The following TDRKH variants were observed in gnomAD, a reference collection of about 807,000 sequenced individuals.
TDRKH encodes the protein tudor and KH domain-containing protein.
TDRKH carries 28 observed loss-of-function variants against 61.3 expected under a neutral mutation model. The ratio of observed to expected loss-of-function variants is 0.46; its 90% CI spans 0.34 to 0.63. The LOEUF (loss-of-function observed/expected upper bound fraction) is 0.63, where lower values mean the gene tolerates loss of function less well. Among genes scored for constraint, TDRKH ranks in the 20% least tolerant of loss-of-function variants. TDRKH has a pLI of 0.01. For synonymous variants in TDRKH, 219 were observed against 244.4 expected, an observed-to-expected ratio of 0.90 and a Z score of 0.97; for missense variants, 540 against 683.4, an observed-to-expected ratio of 0.79 and a Z score of 2.34.
downstream of TDRKH, chr1:151,768,181 C>T (rs367796164): frequency 9.2e-5 from 148 of 1,613,822 alleles, 3 homozygotes; most frequent in Middle Eastern, 7.1e-3. Context: ...CTGTGACCGT[C>T]GACTCTTCCT....
Position 151,781,324 on chromosome 1 carries a change from A to ATATATATATAT in TDRKH, c.231+156_231+157insATATATATATA, listed in dbSNP as rs1558145922. On this transcript the variant is annotated intron_variant, in intron 3 of 12. Coordinates refer to ENST00000368824, the MANE Select transcript of TDRKH (RefSeq NM_001083965.2). The stretch of plus-strand genomic sequence containing the variant: ...AAGAGCGAAACTCCATCTCAAAAAA[A>ATATATATATAT]AAAAATATATATATATATATTTTAT... Among the ~76,000 whole-genome samples the ATATATATATAT allele has an allele frequency of 3.7e-4, 7 of 18,828 alleles. No individual in the cohort carries two copies. In the East Asian group the frequency reaches 0.014, roughly 37 times the overall value. 12.4% of individuals were successfully genotyped at this position (18,828 alleles called of 152,430 possible).
At chr1:151,775,574 T>C in intron 9 of TDRKH, 31 bp from the exon 10 acceptor site, 1 of 1,605,722 alleles carries the variant, frequency 6.2e-7, no homozygotes, top group Non-Finnish European at 8.5e-7. Flanking sequence ...TTACTGCTGA[T>C]AGGGGTGGGG....
chr1:151,774,169 C>G lies in TDRKH; in HGVS notation c.*283G>C, dbSNP rs952095013. Reference sequence around the variant, plus strand: ...GACTATATGTGTAATAAAGGAAGGACTGCATGGATCCTTTATCATACACTC... The same window carrying G: ...GACTATATGTGTAATAAAGGAAGGAGTGCATGGATCCTTTATCATACACTC... On this transcript the variant is annotated 3_prime_UTR_variant, in exon 13 of 13. Coordinates refer to ENST00000368824, the MANE Select transcript of TDRKH (RefSeq NM_001083965.2). The G allele has an allele frequency of 3.4e-5, 14 of 417,650 alleles. No individual in the cohort carries two copies. Among genetic ancestry groups the G allele is most frequent in the Admixed American group, 2.1e-4 (5 of 24,180 alleles). The allele number at this position is 417,650 out of a possible 1,614,324, so 25.9% of individuals were successfully genotyped here. A position where few individuals can be genotyped will look rare whatever the true frequency, so the allele number is the denominator to read the frequency against.
chr1:151,771,283 T>C, downstream of TDRKH: 1 of 1,584,558 alleles, frequency 6.3e-7, no homozygotes, highest in Non-Finnish European at 8.6e-7. Context: ...GGGCCCGGGA[T>C]GTGATTCAGG....
At chr1:151,771,967 G>A (rs370468919), downstream of TDRKH, 3 of 398,634 alleles carry the variant, frequency 7.5e-6, no homozygotes, top group Non-Finnish European at 1.3e-5. Flanking sequence ...ATGCTTCAGC[G>A]AGTTCATTGC....
chr1:151,771,425 G>T, downstream of TDRKH: 1 of 1,244,270 alleles, frequency 8.0e-7, no homozygotes, highest in Non-Finnish European at 1.0e-6. Context: ...AAAGATCACA[G>T]GGACCTGAAC....
chr1:151,789,068 G>A (rs932814901), intron 1 of TDRKH, among the ~76,000 whole-genome samples: 2 of 152,174 alleles, frequency 1.3e-5, no homozygotes, highest in Non-Finnish European at 2.9e-5. Flanking sequence ...TGTTTATTTA[G>A]AGACAGAGCC....
At chr1:151,777,951 T>C (rs868706387) in intron 6 of TDRKH, among the ~76,000 whole-genome samples, 29 of 152,234 alleles carry the variant, frequency 1.9e-4, no homozygotes, top group Middle Eastern at 6.8e-3. Context: ...ACAAAACAAT[T>C]ACCATTTGAA....
At chr1:151,767,418 A>C (rs1283393297), downstream of TDRKH, 4 of 1,498,028 alleles carry the variant, frequency 2.7e-6, no homozygotes, top group Non-Finnish European at 3.5e-6. Context: ...CTTGGAACGC[A>C]TGTGTAAAAG....
downstream of TDRKH, chr1:151,767,443 G>C: frequency 2.1e-6 from 3 of 1,435,222 alleles, no homozygotes; most frequent in Non-Finnish European, 9.2e-7. Context: ...TTGCTATATA[G>C]ACAAGCATTC....
At chr1:151,767,961 C>G, downstream of TDRKH, 1 of 1,472,026 alleles carries the variant, frequency 6.8e-7, no homozygotes, top group Non-Finnish European at 9.3e-7. Flanking sequence ...TTCTCCCAGG[C>G]TCTCCCCATC....
intron 1 of TDRKH, among the ~76,000 whole-genome samples, chr1:151,784,002 C>G (rs1190801398): frequency 6.6e-6 from 1 of 152,180 alleles, no homozygotes; most frequent in Non-Finnish European, 1.5e-5. Flanking sequence ...TTCCTTATTC[C>G]ACATAGTTTC....
Position 151,775,083 on chromosome 1 carries a change from T to G in TDRKH, c.1518A>C (p.Pro506=). The change falls in exon 11 of 13, where the codon CCA becomes CCC. Residue 506 remains proline (P), a synonymous_variant. Coordinates refer to ENST00000368824, the MANE Select transcript of TDRKH (RefSeq NM_001083965.2). ...PEDIEENRAV[P]DMLKDMATET... is the part of the protein sequence containing the mutation. ...AGCTCACCATGTCCTTCAACATGTCTGGGACAGCTCTGTTTTCTTCTATGT... is the reference window on the plus strand; with the variant it reads ...AGCTCACCATGTCCTTCAACATGTCGGGGACAGCTCTGTTTTCTTCTATGT... 1 of 1,614,166 alleles carries G rather than the reference T, an allele frequency of 6.2e-7. No individual in the cohort carries two copies.
chr1:151,772,057 T>C (rs1032825450), downstream of TDRKH: 5 of 398,082 alleles, frequency 1.3e-5, no homozygotes, highest in South Asian at 6.4e-4. Context: ...ACCAGAACTG[T>C]TCCTTCACTA....
chr1:151,775,843 C>T lies in TDRKH; in HGVS notation c.1259G>A (p.Ser420Asn). 1 of 1,613,734 alleles carries T rather than the reference C, an allele frequency of 6.2e-7. No homozygotes were observed. The change falls in exon 9 of 13, where the codon AGT (serine) becomes AAT (asparagine). Residue 420 changes from serine to asparagine, a missense_variant. Physicochemically the swap from Ser to Asn is conservative, Grantham distance 46. Around this residue, in one of 3 missense-constraint regions of TDRKH, gnomAD observed 379 missense variants for 443.8 expected, o/e 0.85. Coordinates refer to ENST00000368824, the MANE Select transcript of TDRKH (RefSeq NM_001083965.2). ...LSLPFQAIEC[S>N]LARIAPSGDQ... ...ACCTGAGGGAGCAATCCGTGCCAGA[C>T]TACATTCTATTGCTTGAAATGGAAG...
chr1:151,784,933 GTTTTTTT>G (rs377380901), intron 1 of TDRKH, among the ~76,000 whole-genome samples: 1 of 126,534 alleles, frequency 7.9e-6, no homozygotes, highest in Non-Finnish European at 1.7e-5. Flanking sequence ...ATGGCAATTC[GTTTTTTT>G]TTTTTTTTTT....
downstream of TDRKH, among the ~76,000 whole-genome samples, chr1:151,768,715 G>A (rs1648464528): frequency 1.3e-5 from 2 of 152,184 alleles, no homozygotes; most frequent in South Asian, 4.1e-4. Flanking sequence ...TTCTCACAGA[G>A]GGGGATTTGG....
chr1:151,769,236 C>G (rs1303850298), downstream of TDRKH: 1 of 145,926 alleles, frequency 6.9e-6, no homozygotes, highest in East Asian at 2.0e-4. Flanking sequence ...AAAGGGGCGG[C>G]CGGGCAGACG....
downstream of TDRKH, among the ~76,000 whole-genome samples, chr1:151,772,911 G>T (rs1197657433): frequency 6.6e-6 from 1 of 152,130 alleles, no homozygotes; most frequent in Non-Finnish European, 1.5e-5. Flanking sequence ...TATGAGACAA[G>T]GTTGTGTGGT....
Sources: allele counts gnomAD v4.1 joint callset (sites outside exome capture counted in the v4.1 genomes callset), GRCh38; gene constraint gnomAD v4.1.1; regional missense constraint gnomAD v4.1.1; transcripts MANE v1.5; gene names NCBI Gene and HGNC (gene_info 2026-07-23, HGNC 2026-07-21).